Variants in LY75 observed in about 807,000 individuals in gnomAD.
The protein encoded by LY75 is C-type lectin domain family 13 member B.
LY75 carries 185 observed loss-of-function variants against 231.7 expected under a neutral mutation model. The ratio of observed to expected loss-of-function variants is 0.80; its 90% CI spans 0.71 to 0.90. The LOEUF (loss-of-function observed/expected upper bound fraction) is 0.90. LY75 is among the 40% of genes least tolerant of loss of function. The pLI is 0.00. For missense variants in LY75, 1,947 were observed against 2,050.2 expected, an observed-to-expected ratio of 0.95 and a Z score of 0.97; for synonymous variants, 668 against 689.0, an observed-to-expected ratio of 0.97 and a Z score of 0.48.
At chr2:159,850,789 T>TATATATATATATATATATATA (rs796940571) in intron 21 of LY75, among the ~76,000 whole-genome samples, 3 of 88,664 alleles carry the variant, frequency 3.4e-5, no homozygotes, top group South Asian at 2.5e-4. Context: ...TATATATATA[T>TATATATATATATATATATATA]ATATATATAT....
chr2:159,853,791 T>C, intron 18 of LY75, 94 bp from the exon 19 acceptor site: 1 of 1,528,404 alleles, frequency 6.5e-7, no homozygotes, highest in Non-Finnish European at 8.9e-7. Context: ...CACTAACCAC[T>C]AAAATTTCCA....
intron 4 of LY75, among the ~76,000 whole-genome samples, chr2:159,888,681 G>T (rs1481393347): frequency 6.6e-6 from 1 of 152,176 alleles, no homozygotes; most frequent in East Asian, 1.9e-4. Context: ...AAAGCTTACA[G>T]CTTTGTGCAA....
intron 3 of LY75, among the ~76,000 whole-genome samples, chr2:159,892,310 C>G (rs1238719381): frequency 6.6e-6 from 1 of 152,226 alleles, no homozygotes; most frequent in Non-Finnish European, 1.5e-5. Context: ...TGGCTAGCTA[C>G]TCAATGAGTC....
intron 25 of LY75, among the ~76,000 whole-genome samples, chr2:159,837,570 G>A (rs779574761): frequency 1.2e-4 from 18 of 152,178 alleles, no homozygotes; most frequent in Non-Finnish European, 1.9e-4. Flanking sequence ...AGGTTCAACT[G>A]AAGCCCAAGC....
At chr2:159,895,510 A>C (rs1355828685) in intron 2 of LY75, among the ~76,000 whole-genome samples, 1 of 152,226 alleles carries the variant, frequency 6.6e-6, no homozygotes, top group Non-Finnish European at 1.5e-5. Flanking sequence ...TTTGGAATAC[A>C]AAGTGCCTTG....
At chr2:159,807,467 T>C (rs552597373) in intron 33 of LY75, among the ~76,000 whole-genome samples, 1 of 152,326 alleles carries the variant, frequency 6.6e-6, no homozygotes, top group East Asian at 1.9e-4. Context: ...ACATTTATTT[T>C]GTGAGGGAGA....
Position 159,854,507 on chromosome 2 carries a change from A to G in LY75, c.2448T>C (p.Leu816=), listed in dbSNP as rs1182162184. ...PDRAGIHGPP[L]IIEGSEYWFV... ...ACCAATATTCACTTCCTTCAATTATAAGTGGAGGTCCATGAATTCCAGCAC... is the reference window on the plus strand; with the variant it reads ...ACCAATATTCACTTCCTTCAATTATGAGTGGAGGTCCATGAATTCCAGCAC... The change falls in exon 18 of 35, where the codon CTT becomes CTC. Residue 816 remains leucine (L), a synonymous_variant. Coordinates refer to ENST00000263636, the MANE Select transcript of LY75 (RefSeq NM_002349.4). 6.2e-7 allele frequency: 1 copy of G among 1,613,182 alleles called. No homozygotes were observed. Among genetic ancestry groups the G allele is most frequent in the East Asian group, 2.2e-5 (1 of 44,852 alleles).
rs1483676734 is a variant in LY75, at chr2:159,835,663, A to G, written c.3508-18T>C. The stretch of plus-strand genomic sequence containing the variant: ...AGTTCATCCTGTAAGGAGCAGAAGT[A>G]CATTTCAGGTGGCAATATTGATGTT... On this transcript the variant is annotated intron_variant, in intron 25 of 34. Coordinates refer to ENST00000263636, the MANE Select transcript of LY75 (RefSeq NM_002349.4). 3 of 1,608,472 alleles carry G rather than the reference A, an allele frequency of 1.9e-6. No homozygotes were observed. The highest frequency in any genetic ancestry group is 2.5e-6 in the Non-Finnish European group (3 of 1,178,382).
chr2:159,842,426 C>T (rs759063602), intron 23 of LY75, 52 bp from the exon 24 acceptor site: 3 of 1,532,198 alleles, frequency 2.0e-6, no homozygotes, highest in African/African-American at 2.8e-5. Flanking sequence ...TGGTCTGAAG[C>T]TCCTAGCAAG....
chr2:159,888,588 A>G (rs970673365), intron 4 of LY75, among the ~76,000 whole-genome samples: 1 of 152,218 alleles, frequency 6.6e-6, no homozygotes, highest in Non-Finnish European at 1.5e-5. Context: ...GCATTTATCA[A>G]ATATTTCCAG....
chr2:159,868,976 A>T (rs1684931455), intron 13 of LY75, among the ~76,000 whole-genome samples: 1 of 152,188 alleles, frequency 6.6e-6, no homozygotes, highest in South Asian at 2.1e-4. Context: ...GCCATAAAAA[A>T]GGATGAGTTC....
rs1306611895 is a variant in LY75 at position 159,878,703 on chromosome 2, C to A, written c.1534G>T (p.Glu512Ter). The A allele has an allele frequency of 2.5e-6, 4 of 1,613,986 alleles. No individual in the cohort carries two copies. Among genetic ancestry groups the A allele is most frequent in the Non-Finnish European group, 3.4e-6 (4 of 1,179,910 alleles). Residue 512 changes from glutamate to a stop codon, truncating the protein, a stop_gained, in exon 10 of 35, where the codon GAA becomes TAA. Transcript: ENST00000263636. LOFTEE classifies it high-confidence loss of function. Reference protein sequence around the residue: ...PPDEGWKRHGETCYKIYEDEV... With the variant: ...PPDEGWKRHG ...TCCTCATAAATCTTGTAACAGGTTTCTCCATGTCTCTTCCAGCCCTAAGTC... is the reference window on the plus strand; with the variant it reads ...TCCTCATAAATCTTGTAACAGGTTTATCCATGTCTCTTCCAGCCCTAAGTC...
chr2:159,858,553 A>G, intron 15 of LY75, 77 bp from the exon 16 acceptor site: 1 of 1,448,632 alleles, frequency 6.9e-7, no homozygotes, highest in Admixed American at 2.7e-5. Context: ...AAGCCCTATG[A>G]CTTTGATCTC....
At chr2:159,842,104 C>G (rs1379987439) in intron 24 of LY75, 141 bp downstream of exon 24, 1 of 1,009,164 alleles carries the variant, frequency 9.9e-7, no homozygotes, top group Non-Finnish European at 1.3e-6. Context: ...TGTATTGGAC[C>G]CAGGTGGTAA....
At chr2:159,845,914 T>G (rs1684188173) in intron 23 of LY75, among the ~76,000 whole-genome samples, 1 of 151,606 alleles carries the variant, frequency 6.6e-6, no homozygotes, top group Non-Finnish European at 1.5e-5. Flanking sequence ...ACACACACAG[T>G]CCTAATATAT....
intron 13 of LY75, among the ~76,000 whole-genome samples, chr2:159,870,574 G>C (rs564365141): frequency 4.5e-4 from 69 of 152,146 alleles, no homozygotes; most frequent in African/African-American, 1.6e-3. Flanking sequence ...GCACTATCTT[G>C]TCTCACTGTA....
At chr2:159,815,023 C>T (rs1683074968) in intron 31 of LY75, among the ~76,000 whole-genome samples, 2 of 117,708 alleles carry the variant, frequency 1.7e-5, no homozygotes, top group Admixed American at 1.1e-4. Flanking sequence ...TTTTTTGAGA[C>T]GGAGTCTTGC....
At chr2:159,844,635 A>G (rs112373056) in intron 23 of LY75, among the ~76,000 whole-genome samples, 3,112 of 152,110 alleles carry the variant, frequency 0.02, 49 homozygotes, top group African/African-American at 0.042. Context: ...TATTATTATT[A>G]GCTACTTAGG....
intron 4 of LY75, among the ~76,000 whole-genome samples, chr2:159,887,385 C>T (rs112417078): frequency 0.053 from 8,052 of 151,220 alleles, 501 homozygotes; most frequent in African/African-American, 0.16. Context: ...CGGTGAAACC[C>T]TGTCTCTACT....
Sources: allele counts gnomAD v4.1 joint callset (sites outside exome capture counted in the v4.1 genomes callset), GRCh38; gene constraint gnomAD v4.1.1; transcripts MANE v1.5; gene names NCBI Gene and HGNC (gene_info 2026-07-23, HGNC 2026-07-21).